TMEM132C: variants seen among roughly 807,000 people sequenced by gnomAD.
TMEM132C encodes transmembrane protein 132C.
In TMEM132C, 29 loss-of-function variants were observed where a neutral mutation model predicts 61.4. The observed-to-expected ratio is 0.47, with a 90% confidence interval of 0.35 to 0.64. The LOEUF (loss-of-function observed/expected upper bound fraction) is 0.64. TMEM132C is among the 30% of genes least tolerant of loss of function. The pLI is 0.00. For synonymous variants in TMEM132C, 656 were observed against 633.1 expected (o/e 1.04, Z -0.54); for missense variants, 1,408 against 1,476.9 (o/e 0.95, Z 0.76).
chr12:128,663,883 G>A (rs1239005753), intron 4 of TMEM132C, among the ~76,000 whole-genome samples: 1 of 124,210 alleles, frequency 8.1e-6, no homozygotes, highest in African/African-American at 3.1e-5. Context: ...CACACATACA[G>A]GCACAAGCAC....
intron 1 of TMEM132C, among the ~76,000 whole-genome samples, chr12:128,327,711 A>C (rs117737894): frequency 2.0e-5 from 3 of 152,038 alleles, no homozygotes; most frequent in African/African-American, 7.2e-5. Flanking sequence ...TTTTAGAGAG[A>C]TAGAAGGCAT....
At chr12:128,564,810 A>C (rs375901549) in intron 3 of TMEM132C, among the ~76,000 whole-genome samples, 3 of 152,162 alleles carry the variant, frequency 2.0e-5, no homozygotes, top group Non-Finnish European at 2.9e-5. Context: ...AGAGCTGCTG[A>C]TATTAGGAAA....
In TMEM132C at chr12:128,630,289, G is replaced by A. The variant is rs529763760; in HGVS notation, c.1305+13954G>A. 2.0e-5 allele frequency among the ~76,000 whole-genome samples: 3 copies of A among 152,126 alleles called. No individual in the cohort carries two copies. Among genetic ancestry groups the A allele is most frequent in the South Asian group, 2.1e-4 (1 of 4,824 alleles). ...ACTGACGGCCCATGAGGGTCACTAG[G>A]GGGCAGGGGCTGGAGCTTCTGGCCA... On this transcript the variant is annotated intron_variant, in intron 4 of 8. Coordinates refer to ENST00000435159, the MANE Select transcript of TMEM132C (RefSeq NM_001136103.3). The surrounding 1 kb of genome is among the most constrained non-coding windows in gnomAD (Gnocchi z 4.3).
At chr12:128,641,519 T>A (rs1037831265) in intron 4 of TMEM132C, among the ~76,000 whole-genome samples, 2 of 152,106 alleles carry the variant, frequency 1.3e-5, no homozygotes, top group Non-Finnish European at 1.5e-5. Flanking sequence ...CAGAGAGCAC[T>A]GTGGGAAGAG....
intron 3 of TMEM132C, among the ~76,000 whole-genome samples, chr12:128,606,554 GA>G (rs1876435002): frequency 6.6e-6 from 1 of 152,164 alleles, no homozygotes; most frequent in Non-Finnish European, 1.5e-5. Flanking sequence ...TTTATTCTTG[GA>G]AAACAGACCT....
chr12:128,493,323 C>T (rs925156625), intron 2 of TMEM132C, among the ~76,000 whole-genome samples: 8 of 152,044 alleles, frequency 5.3e-5, no homozygotes, highest in African/African-American at 9.7e-5. Flanking sequence ...GGATTGTCTT[C>T]GCAATGTGGA....
intron 3 of TMEM132C, among the ~76,000 whole-genome samples, chr12:128,563,372 C>T (rs1874588353): frequency 1.3e-5 from 2 of 152,148 alleles, no homozygotes; most frequent in South Asian, 2.1e-4. Flanking sequence ...AAGGTGAGGG[C>T]TCAACTGCAA....
chr12:128,694,414 A>G (rs941781714), intron 6 of TMEM132C, among the ~76,000 whole-genome samples: 2 of 152,222 alleles, frequency 1.3e-5, no homozygotes, highest in African/African-American at 4.8e-5. Context: ...TGTTCTGTGC[A>G]GATCAAATTA....
At chr12:128,386,112 T>A (rs1874573163) in intron 1 of TMEM132C, among the ~76,000 whole-genome samples, 1 of 152,180 alleles carries the variant, frequency 6.6e-6, no homozygotes, top group Admixed American at 6.5e-5. Context: ...TTCGGAATTT[T>A]ATGGGCAGAA....
At chr12:128,369,907 A>G (rs1410158111) in intron 1 of TMEM132C, among the ~76,000 whole-genome samples, 1 of 152,242 alleles carries the variant, frequency 6.6e-6, no homozygotes, top group African/African-American at 2.4e-5. Flanking sequence ...GCATCATGAT[A>G]TATCTGCCAC....
chr12:128,638,851 G>T (rs1385818227), intron 4 of TMEM132C, among the ~76,000 whole-genome samples: 1 of 148,802 alleles, frequency 6.7e-6, no homozygotes, highest in Non-Finnish European at 1.5e-5. Flanking sequence ...GATGATGATG[G>T]TGATGGTGGT....
chr12:128,460,101 G>A (rs1025608604), intron 2 of TMEM132C, among the ~76,000 whole-genome samples: 2 of 152,136 alleles, frequency 1.3e-5, no homozygotes, highest in African/African-American at 4.8e-5. Flanking sequence ...GAATTCTGCA[G>A]AAGAGAACTC....
At chr12:128,622,401 A>ATATATAT (rs1565994613) in intron 4 of TMEM132C, among the ~76,000 whole-genome samples, 25 of 131,622 alleles carry the variant, frequency 1.9e-4, no homozygotes, top group Non-Finnish European at 3.1e-4. Context: ...ATATATATAT[A>ATATATAT]ACCAGGAAAC....
chr12:128,570,302 G>A lies in TMEM132C; in HGVS notation c.1121+26199G>A, dbSNP rs148250176. On this transcript the variant is annotated intron_variant, in intron 3 of 8. Transcript: ENST00000435159. The surrounding 1 kb of genome is among the most constrained non-coding windows in gnomAD (Gnocchi z 4.7). ...TAGGTGAAGCACAGCCACTGGGGATGTGCTTTCTCTTGTCAGTTTCTTTTC... is the reference window on the plus strand; with the variant it reads ...TAGGTGAAGCACAGCCACTGGGGATATGCTTTCTCTTGTCAGTTTCTTTTC... 4.8e-3 allele frequency among the ~76,000 whole-genome samples: 731 copies of A among 152,290 alleles called. 5 individuals are homozygous for A. Among genetic ancestry groups the A allele is most frequent in the Admixed American group, 9.0e-3 (138 of 15,296 alleles).
chr12:128,442,350 T>C (rs994246573), intron 2 of TMEM132C, among the ~76,000 whole-genome samples: 3 of 152,220 alleles, frequency 2.0e-5, no homozygotes, highest in African/African-American at 7.2e-5. Flanking sequence ...CACATGCAGT[T>C]TGCAGATGCT....
intron 2 of TMEM132C, among the ~76,000 whole-genome samples, chr12:128,430,031 G>C (rs775084659): frequency 6.6e-6 from 1 of 152,120 alleles, no homozygotes; most frequent in African/African-American, 2.4e-5. Flanking sequence ...CACTGGGCTG[G>C]TGGCTGCAGG....
chr12:128,460,397 T>C (rs1870493095), intron 2 of TMEM132C, among the ~76,000 whole-genome samples: 1 of 152,180 alleles, frequency 6.6e-6, no homozygotes, highest in Non-Finnish European at 1.5e-5. Context: ...CTATGTCTTT[T>C]CAACTTAGTA....
chr12:128,556,767 A>G (rs969830216), intron 3 of TMEM132C, among the ~76,000 whole-genome samples: 2 of 152,046 alleles, frequency 1.3e-5, no homozygotes, highest in African/African-American at 2.4e-5. Flanking sequence ...TCCCATGTGG[A>G]AAGGCCAAAA....
chr12:128,269,658 G>A (rs1041981328), intron 1 of TMEM132C, among the ~76,000 whole-genome samples: 6 of 152,014 alleles, frequency 3.9e-5, no homozygotes, highest in African/African-American at 1.2e-4. Context: ...GTGCATAAGG[G>A]CCTGCAACTT....
Sources: gnomAD v4.1 joint callset for allele counts (sites outside exome capture counted in the v4.1 genomes callset) on GRCh38, gnomAD v4.1.1 for gene constraint, Gnocchi (gnomAD v3.1) non-coding constraint, MANE v1.5 for transcripts, NCBI Gene and HGNC (gene_info 2026-07-23, HGNC 2026-07-21) for gene names.